Variants in MBD5 observed in about 807,000 individuals in gnomAD.
MBD5 encodes the protein methyl-CpG-binding domain protein 5.
MBD5 carries 13 observed loss-of-function variants against 117.3 expected under a neutral mutation model. That is an observed-to-expected ratio of 0.11 (90% CI 0.07 to 0.18). The LOEUF (loss-of-function observed/expected upper bound fraction) is 0.18, where lower values mean the gene tolerates loss of function less well. MBD5 is among the 10% of genes least tolerant of loss of function. The pLI is 1.00. For synonymous variants in MBD5, 727 were observed against 766.4 expected, an observed-to-expected ratio of 0.95 and a Z score of 0.85; for missense variants, 1,879 against 2,093.8, an observed-to-expected ratio of 0.90 and a Z score of 2.00.
At chr2:148,068,092 G>A (rs1695252442) in intron 1 of MBD5, among the ~76,000 whole-genome samples, 1 of 152,190 alleles carries the variant, frequency 6.6e-6, no homozygotes, top group Non-Finnish European at 1.5e-5. Context: ...TGGCCATTGA[G>A]TTGTTACAAG....
At chr2:148,206,733 A>G (rs1264964522) in intron 2 of MBD5, among the ~76,000 whole-genome samples, 2 of 152,228 alleles carry the variant, frequency 1.3e-5, no homozygotes, top group Non-Finnish European at 2.9e-5. Flanking sequence ...AAACATAAAG[A>G]TGAAAAGCCA....
At chr2:148,305,387 G>C (rs974764752) in intron 3 of MBD5, among the ~76,000 whole-genome samples, 1 of 152,164 alleles carries the variant, frequency 6.6e-6, no homozygotes, top group Non-Finnish European at 1.5e-5. Context: ...GAACAATCAG[G>C]CATTTAATGA....
At chr2:148,340,965 T>C (rs552871768) in intron 3 of MBD5, among the ~76,000 whole-genome samples, 1 of 152,160 alleles carries the variant, frequency 6.6e-6, no homozygotes, top group East Asian at 1.9e-4. Context: ...GTTATTGTTG[T>C]CATTTACAGA....
intron 4 of MBD5, among the ~76,000 whole-genome samples, chr2:148,433,259 G>A (rs560519194): frequency 1.3e-5 from 2 of 151,874 alleles, no homozygotes; most frequent in East Asian, 3.9e-4. Flanking sequence ...TAAAGGAAGA[G>A]ACTATGGGGT....
chr2:148,338,785 A>G (rs1044505094), intron 3 of MBD5, among the ~76,000 whole-genome samples: 10 of 152,222 alleles, frequency 6.6e-5, no homozygotes, highest in Non-Finnish European at 1.3e-4. Flanking sequence ...TGCTGGGCCA[A>G]TGAATCTGGA....
At chr2:148,231,682 A>G (rs1050815363) in intron 2 of MBD5, among the ~76,000 whole-genome samples, 1 of 152,150 alleles carries the variant, frequency 6.6e-6, no homozygotes, top group Non-Finnish European at 1.5e-5. Context: ...TATATGTTTT[A>G]CTGCAAGGCT....
chr2:148,343,002 C>T (rs764620321), intron 4 of MBD5, among the ~76,000 whole-genome samples: 51 of 151,944 alleles, frequency 3.4e-4, no homozygotes, highest in Non-Finnish European at 6.3e-4. Context: ...TGTTTAGCTC[C>T]CACTTATGTG....
intron 4 of MBD5, among the ~76,000 whole-genome samples, chr2:148,395,826 G>A (rs150970606): frequency 1.3e-5 from 2 of 152,200 alleles, no homozygotes; most frequent in African/African-American, 4.8e-5. Flanking sequence ...CACCATATAA[G>A]CCACACTCTC....
At chr2:148,420,664 C>T (rs1443435525) in intron 4 of MBD5, among the ~76,000 whole-genome samples, 1 of 152,116 alleles carries the variant, frequency 6.6e-6, no homozygotes, top group African/African-American at 2.4e-5. Flanking sequence ...CCAGGTCCAG[C>T]TCTACCCATA....
At chr2:148,051,408 T>C (rs1694697713) in intron 1 of MBD5, among the ~76,000 whole-genome samples, 1 of 151,894 alleles carries the variant, frequency 6.6e-6, no homozygotes, top group African/African-American at 2.4e-5. Flanking sequence ...TTTCTGTTTT[T>C]CTTTTTTTTT....
chr2:148,151,828 C>G (rs1341566592), intron 1 of MBD5, among the ~76,000 whole-genome samples: 2 of 151,808 alleles, frequency 1.3e-5, no homozygotes, highest in East Asian at 1.9e-4. Context: ...TGATTCTTCT[C>G]TCTTTCTTTC....
chr2:148,254,375 A>G (rs141638304), intron 3 of MBD5, among the ~76,000 whole-genome samples: 1 of 152,286 alleles, frequency 6.6e-6, no homozygotes, highest in African/African-American at 2.4e-5. Flanking sequence ...CTCATCCGTT[A>G]ACAGGAGGAG....
chr2:148,137,208 A>C (rs1363562449), intron 1 of MBD5, among the ~76,000 whole-genome samples: 1 of 152,098 alleles, frequency 6.6e-6, no homozygotes, highest in Non-Finnish European at 1.5e-5. Context: ...CACTTAACAC[A>C]CAGTATTTCC....
chr2:148,463,635 A>T (rs1707166873), intron 6 of MBD5, 104 bp from the exon 7 acceptor site: 2 of 1,349,608 alleles, frequency 1.5e-6, no homozygotes, highest in Non-Finnish European at 2.1e-6. Flanking sequence ...AGTTTTATTC[A>T]GATTTATGGC....
intron 3 of MBD5, among the ~76,000 whole-genome samples, chr2:148,321,878 A>T (rs2656317): frequency 0.27 from 40,324 of 151,742 alleles, 6,098 homozygotes; most frequent in Admixed American, 0.36. Context: ...ATGAGCTGCC[A>T]CCCCCAGCCT....
At chr2:148,237,026 C>T (rs1034651517) in intron 3 of MBD5, among the ~76,000 whole-genome samples, 11 of 152,194 alleles carry the variant, frequency 7.2e-5, no homozygotes, top group Non-Finnish European at 1.5e-5. Context: ...CTGCTAGTGT[C>T]AAACTTTTCT....
chr2:148,118,435 A>AAAAAAAATAT (rs1021339753), intron 1 of MBD5, among the ~76,000 whole-genome samples: 1 of 148,490 alleles, frequency 6.7e-6, no homozygotes, highest in African/African-American at 2.5e-5. Flanking sequence ...CATAAAAAAA[A>AAAAAAAATAT]ATATATATAT....
At chr2:148,426,048 A>G (rs999230778) in intron 4 of MBD5, among the ~76,000 whole-genome samples, 1 of 152,202 alleles carries the variant, frequency 6.6e-6, no homozygotes, top group Non-Finnish European at 1.5e-5. Context: ...ACTCCCATTC[A>G]CAATTGCTTC....
At chr2:148,327,051 G>A (rs1371325841) in intron 3 of MBD5, among the ~76,000 whole-genome samples, 2 of 151,816 alleles carry the variant, frequency 1.3e-5, no homozygotes, top group Admixed American at 1.3e-4. Context: ...AAATCTCTCA[G>A]CATTTGCTTG....
Sources: gnomAD v4.1 joint callset for allele counts (sites outside exome capture counted in the v4.1 genomes callset) on GRCh38, gnomAD v4.1.1 for gene constraint, MANE v1.5 for transcripts, NCBI Gene and HGNC (gene_info 2026-07-23, HGNC 2026-07-21) for gene names.